The following LUZP2 variants were observed in gnomAD, a reference collection of about 807,000 sequenced individuals.
LUZP2 encodes leucine zipper protein 2.
A neutral mutation model predicts 51.6 loss-of-function variants in LUZP2; 52 were observed. The observed-to-expected ratio is 1.01, with a 90% confidence interval of 0.81 to 1.27. LUZP2 has a LOEUF of 1.27. LUZP2 is among the 50% of genes most tolerant of loss of function. LUZP2 has a pLI of 0.00. For missense variants in LUZP2, 436 were observed against 395.4 expected, an observed-to-expected ratio of 1.10 and a Z score of -0.87; for synonymous variants, 154 against 137.3, an observed-to-expected ratio of 1.12 and a Z score of -0.85.
intron 5 of LUZP2, among the ~76,000 whole-genome samples, chr11:24,875,437 C>A (rs12283323): frequency 0.47 from 56,291 of 119,168 alleles, 13,318 homozygotes; most frequent in East Asian, 0.7. Flanking sequence ...TGAACTCATC[C>A]TTTTTTATGG....
chr11:24,792,147 G>T lies in LUZP2; in HGVS notation c.396+28839G>T, dbSNP rs146384610. 7.9e-3 allele frequency among the ~76,000 whole-genome samples: 1,207 copies of T among 152,108 alleles called. 11 individuals carry two copies. Among genetic ancestry groups the T allele is most frequent in the Admixed American group, 0.012 (190 of 15,256 alleles). On this transcript the variant is annotated intron_variant, in intron 5 of 11. Coordinates refer to ENST00000336930, the MANE Select transcript of LUZP2 (RefSeq NM_001009909.4). ...TATTTTCAAAGAAATATAACTTTAT[G>T]GCCAGGCACGGTGGTTCATGTCTGT... is the stretch of plus-strand genomic sequence containing the variant.
At chr11:24,865,417 C>G (rs946047091) in intron 5 of LUZP2, among the ~76,000 whole-genome samples, 1 of 152,148 alleles carries the variant, frequency 6.6e-6, no homozygotes, top group Non-Finnish European at 1.5e-5. Context: ...GTTAATTTGC[C>G]TATGGCAAAG....
At chr11:24,867,428 C>G (rs1851932817) in intron 5 of LUZP2, among the ~76,000 whole-genome samples, 1 of 152,122 alleles carries the variant, frequency 6.6e-6, no homozygotes, top group Admixed American at 6.6e-5. Flanking sequence ...TCTCCCTTCT[C>G]TTTCTTCCAG....
chr11:25,002,041 G>T (rs560140340), intron 9 of LUZP2, among the ~76,000 whole-genome samples: 9 of 152,326 alleles, frequency 5.9e-5, no homozygotes, highest in African/African-American at 2.2e-4. Flanking sequence ...TTCCCCCAGA[G>T]GTTAGGAACT....
In LUZP2 at chr11:24,555,110, A is replaced by T. The variant is rs561550982; in HGVS notation, c.62+57805A>T. On this transcript the variant is annotated intron_variant, in intron 1 of 11. Coordinates refer to ENST00000336930, the MANE Select transcript of LUZP2 (RefSeq NM_001009909.4). The stretch of plus-strand genomic sequence containing the variant: ...TAACCCAAAACCGAGCCCAGTCAAG[A>T]CCACGAGGCAATTTTAAACAGCTTA... Among the ~76,000 whole-genome samples, 69 of 152,228 alleles carry T rather than the reference A, an allele frequency of 4.5e-4. 1 individual carries two copies. In the South Asian group the frequency reaches 4.8e-3, roughly 11 times the overall value.
intron 1 of LUZP2, among the ~76,000 whole-genome samples, chr11:24,602,092 GTA>G (rs1293171605): frequency 8.0e-6 from 1 of 124,886 alleles, no homozygotes; most frequent in African/African-American, 3.1e-5. Flanking sequence ...GTGTATATAT[GTA>G]TATATGTGTA....
intron 1 of LUZP2, among the ~76,000 whole-genome samples, chr11:24,497,569 T>C (rs1377679169): frequency 3.3e-5 from 5 of 152,146 alleles, no homozygotes; most frequent in African/African-American, 1.2e-4. Context: ...AGAAAAGACA[T>C]TTTACCCTCC....
At chr11:25,075,087 T>A (rs1327994069) in intron 10 of LUZP2, among the ~76,000 whole-genome samples, 1 of 152,276 alleles carries the variant, frequency 6.6e-6, no homozygotes, top group South Asian at 2.1e-4. Context: ...CAGCAGCCAA[T>A]TGGTTTATTA....
chr11:25,024,918 A>C (rs1001560784), intron 9 of LUZP2, among the ~76,000 whole-genome samples: 1 of 150,056 alleles, frequency 6.7e-6, no homozygotes, highest in Non-Finnish European at 1.5e-5. Flanking sequence ...ACAATAACCA[A>C]AACAGCATGG....
Position 24,824,310 on chromosome 11 carries a change from G to A in LUZP2, c.396+61002G>A, listed in dbSNP as rs565211201. ...GAACCCGGGAAGTGGAAGTTGCGGT[G>A]AGCCAAGATTACACCATTGCACTCC... On this transcript the variant is annotated intron_variant, in intron 5 of 11. Transcript: ENST00000336930. Among the ~76,000 whole-genome samples, 2 of 126,172 alleles carry A rather than the reference G, an allele frequency of 1.6e-5. 1 individual carries two copies. Among genetic ancestry groups the A allele is most frequent in the South Asian group, 5.5e-4 (2 of 3,668 alleles). The allele number at this position is 126,172 out of a possible 152,430, so 82.8% of individuals were successfully genotyped here. A position where few individuals can be genotyped will look rare whatever the true frequency, so the allele number is the denominator to read the frequency against.
chr11:24,932,529 C>G lies in LUZP2; in HGVS notation c.522+17991C>G, dbSNP rs533304577. ...TCTCAGGCCAATTGAATTATGTTCC[C>G]AGAAGAATTATAGCTGCCTATGCTG... On this transcript the variant is annotated intron_variant, in intron 7 of 11. Coordinates refer to ENST00000336930, the MANE Select transcript of LUZP2 (RefSeq NM_001009909.4). 3.9e-5 allele frequency among the ~76,000 whole-genome samples: 6 copies of G among 152,158 alleles called. No individual in the cohort carries two copies. The East Asian group carries it at 9.7e-4, about 25-fold the overall frequency.
chr11:24,908,161 C>A (rs1029903896), intron 6 of LUZP2, among the ~76,000 whole-genome samples: 3 of 152,030 alleles, frequency 2.0e-5, no homozygotes, highest in African/African-American at 7.2e-5. Context: ...ATCAGTGACC[C>A]TCAACTGTCA....
rs1452069491 is a variant in LUZP2, at chr11:24,549,837, G to A, written c.62+52532G>A. Among the ~76,000 whole-genome samples, 6 of 152,064 alleles carry A rather than the reference G, an allele frequency of 3.9e-5. No homozygotes were observed. In the East Asian group the frequency reaches 1.2e-3, roughly 29 times the overall value. On this transcript the variant is annotated intron_variant, in intron 1 of 11. Coordinates refer to ENST00000336930, the MANE Select transcript of LUZP2 (RefSeq NM_001009909.4). ...CAACGTTAACTAAAACCACCAAAATGTTCATGTTGCTTTCTATGGTCATTT... is the reference window on the plus strand; with the variant it reads ...CAACGTTAACTAAAACCACCAAAATATTCATGTTGCTTTCTATGGTCATTT...
At chr11:24,773,979 G>C (rs1236865122) in intron 5 of LUZP2, among the ~76,000 whole-genome samples, 1 of 152,022 alleles carries the variant, frequency 6.6e-6, no homozygotes, top group African/African-American at 2.4e-5. Context: ...AACTAGATTG[G>C]ATTGAAGGAT....
intron 5 of LUZP2, among the ~76,000 whole-genome samples, chr11:24,864,740 G>A (rs1013825681): frequency 1.6e-4 from 25 of 152,170 alleles, no homozygotes; most frequent in Non-Finnish European, 3.1e-4. Flanking sequence ...CCATGGCAAT[G>A]TGTTATGTGA....
At chr11:24,707,910 T>C (rs932949961) in intron 1 of LUZP2, among the ~76,000 whole-genome samples, 1 of 151,930 alleles carries the variant, frequency 6.6e-6, no homozygotes, top group African/African-American at 2.4e-5. Flanking sequence ...GGGGAAGGGG[T>C]TCTTATCTCT....
chr11:24,648,736 G>T (rs552006882), intron 1 of LUZP2, among the ~76,000 whole-genome samples: 1 of 151,992 alleles, frequency 6.6e-6, no homozygotes, highest in African/African-American at 2.4e-5. Flanking sequence ...ACGATAAGGG[G>T]TATATGCATA....
At chr11:24,569,246 C>A (rs537927619) in intron 1 of LUZP2, among the ~76,000 whole-genome samples, 2 of 151,940 alleles carry the variant, frequency 1.3e-5, no homozygotes, top group Non-Finnish European at 2.9e-5. Flanking sequence ...TATAAATACG[C>A]TGTTATACAA....
intron 1 of LUZP2, among the ~76,000 whole-genome samples, chr11:24,635,535 T>C (rs1294088273): frequency 2.0e-5 from 3 of 152,142 alleles, no homozygotes; most frequent in Non-Finnish European, 4.4e-5. Flanking sequence ...TTTCAGTACA[T>C]TTCTATGCAA....
Sources: gnomAD v4.1 joint callset for allele counts (sites outside exome capture counted in the v4.1 genomes callset) on GRCh38, gnomAD v4.1.1 for gene constraint, MANE v1.5 for transcripts, NCBI Gene and HGNC (gene_info 2026-07-23, HGNC 2026-07-21) for gene names.